The following KIF20B variants were observed in gnomAD, a reference collection of about 807,000 sequenced individuals.
KIF20B encodes the protein kinesin family member 20B, also known as kinesin-like protein KIF20B.
Under a neutral mutation model 232.5 loss-of-function variants are expected in KIF20B, and 188 were observed. That is an observed-to-expected ratio of 0.81 (90% CI 0.72 to 0.91). The LOEUF is 0.91. Among genes scored for constraint, KIF20B ranks in the 40% least tolerant of loss-of-function variants. KIF20B has a pLI of 0.00. For synonymous variants in KIF20B, 712 were observed against 683.0 expected, an observed-to-expected ratio of 1.04 and a Z score of -0.66; for missense variants, 2,154 against 2,055.9, an observed-to-expected ratio of 1.05 and a Z score of -0.92.
rs759915981 is a variant in KIF20B at position 89,754,581 on chromosome 10, A to C, written c.4411A>C (p.Thr1471Pro). ...KWLEEKMMLI[T>P]QAKEAENIRN... ...GTTAGAAGAAAAAATGATGCTTATC[A>C]CTCAAGCGAAAGAAGCAGAGAATAT... Residue 1471 changes from threonine to proline, a missense_variant, in exon 26 of 33, where the codon ACT becomes CCT. Physicochemically the swap from Thr to Pro is conservative, Grantham distance 38 (BLOSUM62 -1). Transcript: ENST00000371728. 6.2e-7 allele frequency: 1 copy of C among 1,606,390 alleles called. No homozygotes were observed. Among genetic ancestry groups the C allele is most frequent in the Admixed American group, 1.7e-5 (1 of 59,252 alleles).
At chr10:89,730,819 C>G (rs1357134726) in intron 18 of KIF20B, among the ~76,000 whole-genome samples, 1 of 151,936 alleles carries the variant, frequency 6.6e-6, no homozygotes, top group African/African-American at 2.4e-5. Flanking sequence ...GTCATTTTCA[C>G]CAGAGGAATA....
Position 89,719,663 on chromosome 10 carries a change from C to T in KIF20B, c.1679C>T (p.Thr560Ile). Residue 560 changes from threonine to isoleucine, a missense_variant, in exon 13 of 33, where the codon ACA becomes ATA. Coordinates refer to ENST00000371728, the MANE Select transcript of KIF20B (RefSeq NM_001284259.2). ...CTTCTTGATGAAGATCTAGATAAAA[C>T]ATTAGAGGAAAATAAGGCTTTCATT... ...TKLLDEDLDK[T>I]LEENKAFISH... 1 of 1,610,260 alleles carries T rather than the reference C, an allele frequency of 6.2e-7. No individual in the cohort carries two copies. Among genetic ancestry groups the T allele is most frequent in the Non-Finnish European group, 8.5e-7 (1 of 1,178,682 alleles).
intron 11 of KIF20B, among the ~76,000 whole-genome samples, chr10:89,717,924 G>A (rs1842967848): frequency 6.6e-6 from 1 of 152,140 alleles, no homozygotes; most frequent in Non-Finnish European, 1.5e-5. Context: ...AACTCATCAG[G>A]TAAAGTCAGT....
In KIF20B at chr10:89,752,612, ACAAT is replaced by A. The variant is rs1391695271; in HGVS notation, c.4272_4275del (p.Asn1424LysfsTer39). 2 of 1,606,216 alleles carry A rather than the reference ACAAT, an allele frequency of 1.2e-6. No homozygotes were observed. The highest frequency in any genetic ancestry group is 1.7e-6 in the Non-Finnish European group (2 of 1,176,442). On this transcript the variant is annotated frameshift_variant, in exon 25 of 33. Coordinates refer to ENST00000371728, the MANE Select transcript of KIF20B (RefSeq NM_001284259.2). LOFTEE classifies it high-confidence loss of function. ...AAATGCAATGATTTGGAAACCAAAA[ACAAT>A]CAAAGGTCAAATAAAGAACATGAGA...
chr10:89,761,694 A>C (rs1842245087), intron 28 of KIF20B, among the ~76,000 whole-genome samples: 1 of 152,182 alleles, frequency 6.6e-6, no homozygotes. Context: ...AGTAGTTTCA[A>C]ATAATTAGCA....
At chr10:89,726,588 A>G (rs556408258) in intron 16 of KIF20B, 67 bp downstream of exon 16, 5 of 1,319,740 alleles carry the variant, frequency 3.8e-6, no homozygotes, top group Admixed American at 2.8e-5. Context: ...TGGTAAGTAT[A>G]AGAGATTTAT....
At chr10:89,705,463 T>C in intron 2 of KIF20B, 22 bp downstream of exon 2, 1 of 1,608,424 alleles carries the variant, frequency 6.2e-7, no homozygotes, top group Non-Finnish European at 8.5e-7. Context: ...AAAAGTATTG[T>C]GTTGATTATC....
intron 25 of KIF20B, among the ~76,000 whole-genome samples, chr10:89,753,293 CAT>C (rs1216319981): frequency 1.3e-5 from 2 of 151,938 alleles, no homozygotes; most frequent in Admixed American, 6.6e-5. Context: ...TTGAAGGAAA[CAT>C]AATAGTTTTG....
intron 23 of KIF20B, among the ~76,000 whole-genome samples, chr10:89,747,593 G>A (rs529836820): frequency 1.3e-5 from 2 of 151,668 alleles, no homozygotes; most frequent in African/African-American, 4.9e-5. Flanking sequence ...GTAGGGACAT[G>A]GATGAAGTTG....
Position 89,721,179 on chromosome 10 carries a change from A to G in KIF20B, c.1722+1473A>G, listed in dbSNP as rs78259966. Among the ~76,000 whole-genome samples, 702 of 152,320 alleles carry G rather than the reference A, an allele frequency of 4.6e-3. 3 individuals carry two copies. The highest frequency in any genetic ancestry group is 0.016 in the African/African-American group (675 of 41,562). On this transcript the variant is annotated intron_variant, in intron 13 of 32. Transcript: ENST00000371728. ...AGAAGTATAAGTAGAACGATGATGT[A>G]TTAGGCTAAATACTCTCATTTTAAT...
At chr10:89,755,469 CT>C (rs1204129290) in intron 26 of KIF20B, among the ~76,000 whole-genome samples, 1 of 128,066 alleles carries the variant, frequency 7.8e-6, no homozygotes, top group Admixed American at 8.0e-5. Context: ...CTCCCCTCCC[CT>C]CCCTCCCCTT....
intron 6 of KIF20B, 113 bp downstream of exon 6, chr10:89,711,258 A>G (rs3824607): frequency 0.21 from 127,185 of 593,784 alleles, 15,166 homozygotes; most frequent in East Asian, 0.35. Flanking sequence ...GTTTTTTGTT[A>G]TTATTTATGT....
chr10:89,724,460 T>C (rs74677533), intron 14 of KIF20B, among the ~76,000 whole-genome samples: 2 of 151,920 alleles, frequency 1.3e-5, no homozygotes, highest in Non-Finnish European at 2.9e-5. Context: ...ACCTGGGAGG[T>C]GTAGGTTGCA....
Position 89,738,266 on chromosome 10 carries a change from T to C in KIF20B, c.3425T>C (p.Val1142Ala), listed in dbSNP as rs1416686417. The change falls in exon 20 of 33, where the codon GTA becomes GCA. Residue 1142 changes from valine (V) to alanine (A), a missense_variant. Val to Ala is a moderately conservative substitution (Grantham distance 64). Transcript: ENST00000371728. The part of the protein sequence containing the change: ...NVTLDVQIQH[V>A]VEGKRALSEL... ...ACTCTTGATGTTCAAATACAGCATG[T>C]AGTTGAAGGAAAGAGAGCGCTTTCA... 6 of 1,610,462 alleles carry C rather than the reference T, an allele frequency of 3.7e-6. No individual in the cohort carries two copies. The highest frequency in any genetic ancestry group is 3.4e-5 in the Admixed American group (2 of 59,478).
At chr10:89,756,595 G>T (rs1842123594) in intron 26 of KIF20B, among the ~76,000 whole-genome samples, 1 of 152,324 alleles carries the variant, frequency 6.6e-6, no homozygotes, top group South Asian at 2.1e-4. Flanking sequence ...ACATAGTTCA[G>T]TGAGTTATTG....
intron 6 of KIF20B, among the ~76,000 whole-genome samples, chr10:89,713,051 A>C (rs892434025): frequency 4.6e-5 from 7 of 152,170 alleles, no homozygotes; most frequent in Admixed American, 1.3e-4. Context: ...GAGGAAATTA[A>C]AATCATTAAT....
At chr10:89,751,842 A>T (rs141401043) in intron 24 of KIF20B, among the ~76,000 whole-genome samples, 1 of 152,150 alleles carries the variant, frequency 6.6e-6, no homozygotes, top group East Asian at 1.9e-4. Context: ...CATTGCTTTC[A>T]GAATACCATC....
At chr10:89,769,025 G>A in intron 31 of KIF20B, 137 bp downstream of exon 31, 1 of 645,398 alleles carries the variant, frequency 1.5e-6, no homozygotes, top group Non-Finnish European at 2.5e-6. Flanking sequence ...TAGGTACTGT[G>A]GGAAGAAACA....
At chr10:89,766,313 A>T (rs1842357854) in intron 29 of KIF20B, 3 of 153,238 alleles carry the variant, frequency 2.0e-5, no homozygotes, top group Admixed American at 1.3e-4. Context: ...CCAGCAATGG[A>T]ACAAAGCTGG....
Sources: allele counts gnomAD v4.1 joint callset (sites outside exome capture counted in the v4.1 genomes callset), GRCh38; gene constraint gnomAD v4.1.1; transcripts MANE v1.5; gene names NCBI Gene and HGNC (gene_info 2026-07-23, HGNC 2026-07-21).